SYN2: variants seen among roughly 807,000 people sequenced by gnomAD.
SYN2 encodes the protein synapsin-2.
A neutral mutation model predicts 50.9 loss-of-function variants in SYN2; 19 were observed. That is an observed-to-expected ratio of 0.37 (90% CI 0.26 to 0.55). The LOEUF (loss-of-function observed/expected upper bound fraction) is 0.55. Among genes scored for constraint, SYN2 ranks in the 20% least tolerant of loss-of-function variants. The pLI is 0.81. For synonymous variants in SYN2, 255 were observed against 224.9 expected (o/e 1.13, Z -1.20); for missense variants, 587 against 576.4 (o/e 1.02, Z -0.19).
intron 10 of SYN2, 24 bp downstream of exon 10, chr3:12,169,930 G>T: frequency 6.3e-7 from 1 of 1,585,914 alleles, no homozygotes; most frequent in Non-Finnish European, 8.6e-7. Context: ...AAGAGACATA[G>T]CAGAGCCAAG....
intron 10 of SYN2, among the ~76,000 whole-genome samples, chr3:12,175,154 T>C (rs1698035673): frequency 6.6e-6 from 1 of 152,208 alleles, no homozygotes; most frequent in South Asian, 2.1e-4. Context: ...TGATAGCAAT[T>C]CTATACAAAT....
intron 1 of SYN2, among the ~76,000 whole-genome samples, chr3:12,034,121 G>A (rs1434282453): frequency 6.6e-6 from 1 of 152,224 alleles, no homozygotes; most frequent in Non-Finnish European, 1.5e-5. Flanking sequence ...GTTTTCCAAA[G>A]TGGTTGCACT....
Position 12,082,241 on chromosome 3 carries a change from C to T in SYN2, c.378-58410C>T, listed in dbSNP as rs142144945. Among the ~76,000 whole-genome samples, 12 of 152,266 alleles carry T rather than the reference C, an allele frequency of 7.9e-5. No individual in the cohort carries two copies. In the East Asian group the frequency reaches 1.9e-3, roughly 24 times the overall value. ...AGTTGTGACAAGGGTGATATGTCTA[C>T]CAGGAAAGTTCATTAGACTCAGTGC... is the stretch of plus-strand genomic sequence containing the variant. On this transcript the variant is annotated intron_variant, in intron 1 of 12. Transcript: ENST00000621198.
At position 12,054,971 on chromosome 3, in the gene SYN2, T is replaced by G. The variant is rs142399298; in HGVS notation, c.377+50043T>G. Among the ~76,000 whole-genome samples the G allele has an allele frequency of 8.7e-3, 1,320 of 152,256 alleles. 13 individuals are homozygous for G. The highest frequency in any genetic ancestry group is 0.024 in the Middle Eastern group (7 of 294). On this transcript the variant is annotated intron_variant, in intron 1 of 12. Transcript: ENST00000621198. ...CATCCTTTATTAGTGTTGATAAATT[T>G]AATATTGATTGGTCAAGAAGACAGA...
intron 1 of SYN2, among the ~76,000 whole-genome samples, chr3:12,074,979 A>G (rs981543968): frequency 2.6e-5 from 4 of 152,132 alleles, no homozygotes; most frequent in African/African-American, 9.7e-5. Flanking sequence ...CTTGTTATCA[A>G]AGGAACTTGA....
chr3:12,138,911 C>CT (rs1696957688), intron 1 of SYN2, among the ~76,000 whole-genome samples: 1 of 152,172 alleles, frequency 6.6e-6, no homozygotes, highest in South Asian at 2.1e-4. Flanking sequence ...AGTCCAAGGT[C>CT]TGCAGAGAAG....
At chr3:12,007,811 G>T (rs1437866160) in intron 1 of SYN2, among the ~76,000 whole-genome samples, 12 of 152,310 alleles carry the variant, frequency 7.9e-5, no homozygotes, top group African/African-American at 2.9e-4. Flanking sequence ...CATTGTAATT[G>T]TGGGCAATTG....
At chr3:12,108,927 T>C (rs1696259693) in intron 1 of SYN2, among the ~76,000 whole-genome samples, 1 of 152,104 alleles carries the variant, frequency 6.6e-6, no homozygotes, top group Admixed American at 6.5e-5. Context: ...AAATATCCAT[T>C]CTGAATGTCC....
At chr3:12,041,998 C>CCTGCT (rs1415002143) in intron 1 of SYN2, among the ~76,000 whole-genome samples, 5 of 152,168 alleles carry the variant, frequency 3.3e-5, no homozygotes, top group Non-Finnish European at 5.9e-5. Context: ...TTGGTCACAG[C>CCTGCT]CTGCTCTGCT....
intron 11 of SYN2, 158 bp downstream of exon 11, chr3:12,183,530 G>T: frequency 6.5e-7 from 1 of 1,549,746 alleles, no homozygotes; most frequent in South Asian, 1.2e-5. Flanking sequence ...CCCTCCCACT[G>T]GTGCCGTTGC....
intron 1 of SYN2, among the ~76,000 whole-genome samples, chr3:12,043,071 G>A (rs754569835): frequency 6.7e-6 from 1 of 150,080 alleles, no homozygotes; most frequent in Non-Finnish European, 1.5e-5. Flanking sequence ...CACCCAGGCT[G>A]GAGTGCGATG....
intron 1 of SYN2, among the ~76,000 whole-genome samples, chr3:12,097,598 T>C (rs1453721300): frequency 7.3e-6 from 1 of 136,734 alleles, no homozygotes; most frequent in Non-Finnish European, 1.5e-5. Flanking sequence ...AGAGCGAGAC[T>C]CCATCTCAAC....
At chr3:12,097,947 A>G (rs186213294) in intron 1 of SYN2, among the ~76,000 whole-genome samples, 2 of 152,300 alleles carry the variant, frequency 1.3e-5, no homozygotes, top group Admixed American at 6.5e-5. Flanking sequence ...TGGCACATGT[A>G]TACATATGTA....
chr3:12,161,785 A>T, intron 6 of SYN2, 177 bp downstream of exon 6: 1 of 952,742 alleles, frequency 1.0e-6, no homozygotes, highest in South Asian at 1.6e-5. Context: ...CAGTAAGCAG[A>T]ATGCAAGCCA....
intron 1 of SYN2, among the ~76,000 whole-genome samples, chr3:12,027,027 G>A (rs951135285): frequency 1.3e-5 from 2 of 152,148 alleles, no homozygotes; most frequent in Non-Finnish European, 2.9e-5. Flanking sequence ...AAATAAAAGG[G>A]TAGGAGAGTG....
chr3:12,128,747 A>G (rs1696725924), intron 1 of SYN2, among the ~76,000 whole-genome samples: 1 of 152,168 alleles, frequency 6.6e-6, no homozygotes, highest in Admixed American at 6.5e-5. Flanking sequence ...TTTTGTTGAA[A>G]TGCTCTCCAT....
intron 1 of SYN2, among the ~76,000 whole-genome samples, chr3:12,037,094 A>G (rs1173343379): frequency 1.3e-5 from 2 of 152,186 alleles, no homozygotes; most frequent in Middle Eastern, 3.2e-3. Context: ...CCTCATTTCC[A>G]TCTGAGACCT....
At chr3:12,162,513 A>G (rs1373213653) in intron 7 of SYN2, among the ~76,000 whole-genome samples, 1 of 152,232 alleles carries the variant, frequency 6.6e-6, no homozygotes, top group African/African-American at 2.4e-5. Context: ...CTACTTTAAA[A>G]TAATGGTACT....
At chr3:12,177,559 T>C (rs1169369781) in intron 10 of SYN2, among the ~76,000 whole-genome samples, 1 of 152,146 alleles carries the variant, frequency 6.6e-6, no homozygotes, top group Non-Finnish European at 1.5e-5. Flanking sequence ...TAACAGGGCT[T>C]CACTTGAGCT....
Sources: gnomAD v4.1 joint callset for allele counts (sites outside exome capture counted in the v4.1 genomes callset) on GRCh38, gnomAD v4.1.1 for gene constraint, MANE v1.5 for transcripts, NCBI Gene and HGNC (gene_info 2026-07-23, HGNC 2026-07-21) for gene names.